AK5: variants seen among roughly 807,000 people sequenced by gnomAD.
The protein encoded by AK5 is adenylate kinase isoenzyme 5.
A neutral mutation model predicts 69.5 loss-of-function variants in AK5; 27 were observed. That is an observed-to-expected ratio of 0.39 (90% CI 0.29 to 0.54). The LOEUF (loss-of-function observed/expected upper bound fraction) is 0.54. Ranked by LOEUF, AK5 falls within the 20% of genes least tolerant of loss-of-function variation. The pLI is 0.71. For missense variants in AK5, 531 were observed against 700.4 expected, an observed-to-expected ratio of 0.76 and a Z score of 2.73; for synonymous variants, 260 against 244.4, an observed-to-expected ratio of 1.06 and a Z score of -0.60.
At chr1:77,489,813 G>GA (rs1655862680) in intron 10 of AK5, among the ~76,000 whole-genome samples, 2 of 152,158 alleles carry the variant, frequency 1.3e-5, no homozygotes, top group South Asian at 4.1e-4. Flanking sequence ...CTGGCCTTCT[G>GA]GTCTTTCCCA....
At chr1:77,301,031 G>T (rs1659312709) in intron 5 of AK5, among the ~76,000 whole-genome samples, 4 of 152,168 alleles carry the variant, frequency 2.6e-5, no homozygotes, top group Admixed American at 2.6e-4. Context: ...GGTGTGAGAA[G>T]AGGTGAATTT....
intron 5 of AK5, among the ~76,000 whole-genome samples, chr1:77,316,618 G>A (rs72679506): frequency 0.066 from 10,112 of 152,236 alleles, 469 homozygotes; most frequent in East Asian, 0.2. Context: ...CTAAGGGAGA[G>A]TGATTTAATT....
intron 8 of AK5, among the ~76,000 whole-genome samples, chr1:77,470,875 A>ATTTT (rs149758544): frequency 2.7e-5 from 2 of 74,968 alleles, no homozygotes; most frequent in African/African-American, 6.7e-5. Flanking sequence ...ATATATATAT[A>ATTTT]TTTTTTTTTT....
Position 77,361,127 on chromosome 1 carries a change from C to T in AK5, c.891+20559C>T, listed in dbSNP as rs140286073. 4.4e-3 allele frequency among the ~76,000 whole-genome samples: 668 copies of T among 152,332 alleles called. 5 individuals carry two copies. The highest frequency in any genetic ancestry group is 0.015 in the African/African-American group (637 of 41,572). ...GAGATGCTCTGGCTCTTCTATTCTACCTTTCAGATCCTATATTTTACTGTC... is the reference window on the plus strand; with the variant it reads ...GAGATGCTCTGGCTCTTCTATTCTATCTTTCAGATCCTATATTTTACTGTC... On this transcript the variant is annotated intron_variant, in intron 6 of 13. Transcript: ENST00000354567.
chr1:77,375,656 C>G (rs1050195486), intron 6 of AK5, among the ~76,000 whole-genome samples: 2 of 152,190 alleles, frequency 1.3e-5, no homozygotes, highest in African/African-American at 2.4e-5. Context: ...AATATGTCAT[C>G]TGTAGAGCTG....
At chr1:77,326,215 A>G (rs1390299747) in intron 5 of AK5, among the ~76,000 whole-genome samples, 1 of 152,228 alleles carries the variant, frequency 6.6e-6, no homozygotes, top group Non-Finnish European at 1.5e-5. Context: ...CCTAATGAAT[A>G]GAGTGCAATA....
intron 5 of AK5, 166 bp downstream of exon 5, chr1:77,298,113 A>C: frequency 2.3e-6 from 1 of 430,492 alleles, no homozygotes; most frequent in Non-Finnish European, 4.1e-6. Flanking sequence ...TCTTTGGCAA[A>C]CACTTAAAAA....
At chr1:77,287,562 T>G (rs917598417) in intron 2 of AK5, among the ~76,000 whole-genome samples, 24 of 152,262 alleles carry the variant, frequency 1.6e-4, no homozygotes, top group Admixed American at 3.3e-4. Flanking sequence ...TATTAATGCA[T>G]CTGCATAAAT....
At chr1:77,340,747 T>G in intron 6 of AK5, 179 bp downstream of exon 6, 1 of 380,480 alleles carries the variant, frequency 2.6e-6, no homozygotes, top group East Asian at 3.7e-5. Context: ...ATCATGTTTT[T>G]TTAAAAAAAC....
At chr1:77,358,018 T>TGTGTGTGTGTGTGTGTGTGAGA (rs762714026) in intron 6 of AK5, among the ~76,000 whole-genome samples, 30 of 128,268 alleles carry the variant, frequency 2.3e-4, no homozygotes, top group South Asian at 1.1e-3. Flanking sequence ...TGTGTGTGTG[T>TGTGTGTGTGTGTGTGTGTGAGA]GAGAGAGAGA....
chr1:77,495,856 T>C (rs944801722), intron 10 of AK5, among the ~76,000 whole-genome samples: 1 of 152,150 alleles, frequency 6.6e-6, no homozygotes, highest in Non-Finnish European at 1.5e-5. Flanking sequence ...GGGGGGTGCT[T>C]AAACTCCCCA....
intron 8 of AK5, among the ~76,000 whole-genome samples, chr1:77,439,670 C>T (rs539293596): frequency 6.6e-6 from 1 of 151,432 alleles, no homozygotes; most frequent in East Asian, 1.9e-4. Context: ...TTGTGCCTGG[C>T]TTATTTCACT....
chr1:77,462,844 G>A (rs944467440), intron 8 of AK5, among the ~76,000 whole-genome samples: 8 of 152,124 alleles, frequency 5.3e-5, no homozygotes, highest in African/African-American at 1.4e-4. Flanking sequence ...AATTATTACT[G>A]ATAACTTGAA....
At chr1:77,535,188 T>C (rs969500393) in intron 12 of AK5, among the ~76,000 whole-genome samples, 3 of 152,150 alleles carry the variant, frequency 2.0e-5, no homozygotes, top group African/African-American at 7.2e-5. Context: ...TGACCTAGAC[T>C]CTAAAAGCAT....
At chr1:77,378,259 A>G (rs1419010723) in intron 6 of AK5, among the ~76,000 whole-genome samples, 1 of 152,176 alleles carries the variant, frequency 6.6e-6, no homozygotes, top group Non-Finnish European at 1.5e-5. Context: ...ATATGTGCAT[A>G]TTGATAATCT....
intron 6 of AK5, among the ~76,000 whole-genome samples, chr1:77,394,025 G>A (rs1021394830): frequency 6.6e-6 from 1 of 151,962 alleles, no homozygotes; most frequent in African/African-American, 2.4e-5. Context: ...GACCAGCCTG[G>A]CCAACATGGT....
At chr1:77,288,735 G>T (rs1658505991) in intron 2 of AK5, among the ~76,000 whole-genome samples, 1 of 152,286 alleles carries the variant, frequency 6.6e-6, no homozygotes, top group Non-Finnish European at 1.5e-5. Context: ...ACTAATTTTA[G>T]AAACTTTCAA....
intron 5 of AK5, among the ~76,000 whole-genome samples, chr1:77,324,297 TAAA>T (rs1218000033): frequency 1.8e-5 from 1 of 54,176 alleles, no homozygotes; most frequent in African/African-American, 6.1e-5. Flanking sequence ...TGGAACATAT[TAAA>T]AAAAAGTTCA....
intron 10 of AK5, among the ~76,000 whole-genome samples, chr1:77,504,617 G>T (rs1354074155): frequency 2.0e-5 from 3 of 152,062 alleles, no homozygotes; most frequent in Admixed American, 6.6e-5. Context: ...AAGTGCACAA[G>T]TCTTAAGTAT....
Sources: gnomAD v4.1 joint callset for allele counts (sites outside exome capture counted in the v4.1 genomes callset) on GRCh38, gnomAD v4.1.1 for gene constraint, MANE v1.5 for transcripts, NCBI Gene and HGNC (gene_info 2026-07-23, HGNC 2026-07-21) for gene names.